The following SYDE2 variants were observed in gnomAD, a reference collection of about 807,000 sequenced individuals.
SYDE2 encodes the protein rho GTPase-activating protein SYDE2.
Under a neutral mutation model 91.5 loss-of-function variants are expected in SYDE2, and 76 were observed. The ratio of observed to expected loss-of-function variants is 0.83; its 90% CI spans 0.69 to 1.01. SYDE2 has a LOEUF of 1.01. Ranked by LOEUF, SYDE2 falls within the 50% of genes least tolerant of loss-of-function variation. SYDE2 has a pLI of 0.00. For missense variants in SYDE2, 1,364 were observed against 1,367.7 expected (o/e 1.00, Z 0.04); for synonymous variants, 513 against 506.4 (o/e 1.01, Z -0.18).
At chr1:85,155,408 C>A (rs1276811048), downstream of SYDE2, among the ~76,000 whole-genome samples, 1 of 151,818 alleles carries the variant, frequency 6.6e-6, no homozygotes, top group Non-Finnish European at 1.5e-5. Flanking sequence ...GAGACTGAGG[C>A]GGAAAGGATC....
chr1:85,177,616 C>T (rs1657749072), intron 4 of SYDE2, among the ~76,000 whole-genome samples: 1 of 152,146 alleles, frequency 6.6e-6, no homozygotes, highest in South Asian at 2.1e-4. Flanking sequence ...TTAGCTCTTA[C>T]TACCTCTTTG....
At chr1:85,197,823 T>G (rs190394573) in intron 1 of SYDE2, among the ~76,000 whole-genome samples, 87 of 152,114 alleles carry the variant, frequency 5.7e-4, no homozygotes, top group Non-Finnish European at 7.2e-4. Flanking sequence ...CCCGGCTAAT[T>G]TTTTGTATTC....
In SYDE2 at chr1:85,190,588, C is replaced by T; in HGVS notation, c.910G>A (p.Glu304Lys). The change falls in exon 2 of 7, where the codon GAA becomes AAA. Residue 304 changes from glutamate to lysine, a missense_variant. Glu to Lys is a moderately conservative substitution (Grantham distance 56). Coordinates refer to ENST00000341460, the MANE Select transcript of SYDE2 (RefSeq NM_032184.2). ...CTTCTATCTTGGCATTTCTTATTTTCTTCTTCCAGATTAAGAGGCCTCAGA... is the reference window on the plus strand; with the variant it reads ...CTTCTATCTTGGCATTTCTTATTTTTTTCTTCCAGATTAAGAGGCCTCAGA... ...STLRPLNLEEENKKCQDRSHL... is the reference protein window; with the variant it reads ...STLRPLNLEEKNKKCQDRSHL... 1 of 1,613,918 alleles carries T rather than the reference C, an allele frequency of 6.2e-7. No individual in the cohort carries two copies. Among genetic ancestry groups the T allele is most frequent in the South Asian group, 1.1e-5 (1 of 91,084 alleles).
chr1:85,189,993 T>C, intron 2 of SYDE2, 64 bp downstream of exon 2: 1 of 1,198,338 alleles, frequency 8.3e-7, no homozygotes, highest in Non-Finnish European at 1.2e-6. Context: ...TATTTAGTTT[T>C]AGCTATTATC....
At position 85,164,671 on chromosome 1, in the gene SYDE2, C is replaced by A; in HGVS notation, c.2940G>T (p.Val980=). The stretch of plus-strand genomic sequence containing the variant: ...GACTTAATAATACTGGTCCAAAGCA[C>A]ACAGCCAAATTCTGGCACGTCATCT... ...VNKMTCQNLA[V]CFGPVLLSQR... is the part of the protein sequence containing the mutation. The change falls in exon 6 of 7, where the codon GTG becomes GTT. Residue 980 remains valine (V), a synonymous_variant. Transcript: ENST00000341460. 6.4e-7 allele frequency: 1 copy of A among 1,558,124 alleles called. No homozygotes were observed. The highest frequency in any genetic ancestry group is 8.7e-7 in the Non-Finnish European group (1 of 1,152,154).
chr1:85,192,180 A>C (rs944218454), intron 1 of SYDE2, among the ~76,000 whole-genome samples: 1 of 152,168 alleles, frequency 6.6e-6, no homozygotes, highest in African/African-American at 2.4e-5. Flanking sequence ...CCTTCTACTG[A>C]AAAGAAAATC....
chr1:85,171,665 T>C (rs1188357643), intron 4 of SYDE2, among the ~76,000 whole-genome samples: 1 of 152,152 alleles, frequency 6.6e-6, no homozygotes. Context: ...AAATTTGTCT[T>C]ATGTTTAGAC....
chr1:85,158,713 T>C lies in SYDE2; in HGVS notation c.*37A>G, dbSNP rs747278933. 1 of 671,992 alleles carries C rather than the reference T, an allele frequency of 1.5e-6. No homozygotes were observed. Among genetic ancestry groups the C allele is most frequent in the Middle Eastern group, 4.0e-4 (1 of 2,496 alleles). The allele number at this position is 671,992 out of a possible 1,614,324, so 41.6% of individuals were successfully genotyped here. A position where few individuals can be genotyped will look rare whatever the true frequency, so the allele number is the denominator to read the frequency against. On this transcript the variant is annotated 3_prime_UTR_variant, in exon 7 of 7. Coordinates refer to ENST00000341460, the MANE Select transcript of SYDE2 (RefSeq NM_032184.2). ...TAAGAAAATAAAACAAAAACAGATTTGAAACTTTAAGACATTACAAAAAAA... is the reference window on the plus strand; with the variant it reads ...TAAGAAAATAAAACAAAAACAGATTCGAAACTTTAAGACATTACAAAAAAA...
rs1658295449 is a variant in SYDE2, at chr1:85,189,933, A to G, written c.1441+124T>C. The G allele has an allele frequency of 6.4e-6, 5 of 779,556 alleles. No individual in the cohort carries two copies. The South Asian group carries it at 1.1e-4, about 17-fold the overall frequency. The allele number at this position is 779,556 out of a possible 1,614,324, so 48.3% of individuals were successfully genotyped here. A position where few individuals can be genotyped will look rare whatever the true frequency, so the allele number is the denominator to read the frequency against. On this transcript the variant is annotated intron_variant, in intron 2 of 6. Coordinates refer to ENST00000341460, the MANE Select transcript of SYDE2 (RefSeq NM_032184.2). Reference sequence around the variant, plus strand: ...CTTTTTGAGTTTTATTTTCATGAAAATATATTCACTTCACAAGAAAAAGTA... The same window carrying G: ...CTTTTTGAGTTTTATTTTCATGAAAGTATATTCACTTCACAAGAAAAAGTA...
chr1:85,195,855 CAAGT>C lies in SYDE2; in HGVS notation c.745+4393_745+4396del, dbSNP rs562266412. 1.6e-4 allele frequency among the ~76,000 whole-genome samples: 24 copies of C among 152,250 alleles called. No individual in the cohort carries two copies. In the South Asian group the frequency reaches 4.8e-3, roughly 30 times the overall value. The stretch of plus-strand genomic sequence containing the variant: ...CTGCTTGCCTTCCCCTTGATAATAA[CAAGT>C]AAGTGCTAGGCACAGCACCAAATGG... On this transcript the variant is annotated intron_variant, in intron 1 of 6. Coordinates refer to ENST00000341460, the MANE Select transcript of SYDE2 (RefSeq NM_032184.2).
At chr1:85,162,040 G>A (rs1248733496) in intron 6 of SYDE2, among the ~76,000 whole-genome samples, 1 of 152,024 alleles carries the variant, frequency 6.6e-6, no homozygotes, top group East Asian at 1.9e-4. Flanking sequence ...AAAAAGTATT[G>A]GCAGGACGAC....
At chr1:85,183,634 T>A (rs1013515935) in intron 2 of SYDE2, among the ~76,000 whole-genome samples, 1 of 152,164 alleles carries the variant, frequency 6.6e-6, no homozygotes, top group South Asian at 2.1e-4. Context: ...AAAACTATTT[T>A]AAGTATGCCT....
rs749418577 is a variant in SYDE2 at position 85,159,004 on chromosome 1, C to T, written c.3331G>A (p.Asp1111Asn). The T allele has an allele frequency of 1.3e-6, 1 of 780,732 alleles. No homozygotes were observed. The highest frequency in any genetic ancestry group is 2.4e-6 in the Non-Finnish European group (1 of 417,960). 48.4% of individuals were successfully genotyped at this position (780,732 alleles called of 1,614,324 possible). A position where few individuals can be genotyped will look rare whatever the true frequency, so the allele number is the denominator to read the frequency against. ...TCTTCTGAAGGGACATCATCATAAT[C>T]CACATCATTTAAATTTTCTTTTGTA... ...LNTKENLNDV[D>N]YDDVPSEDRK... Residue 1111 changes from aspartate to asparagine, a missense_variant, in exon 7 of 7, where the codon GAT (aspartate) becomes AAT (asparagine). By Grantham distance (23) the Asp-to-Asn change is conservative (BLOSUM62 1). Coordinates refer to ENST00000341460, the MANE Select transcript of SYDE2 (RefSeq NM_032184.2).
intron 3 of SYDE2, among the ~76,000 whole-genome samples, chr1:85,180,683 C>A (rs1657880126): frequency 7.0e-6 from 1 of 142,680 alleles, no homozygotes; most frequent in Non-Finnish European, 1.5e-5. Context: ...GAGCAAGAAT[C>A]CGTCTCAAAA....
intron 5 of SYDE2, among the ~76,000 whole-genome samples, chr1:85,165,812 T>A (rs980029524): frequency 7.3e-5 from 11 of 151,460 alleles, no homozygotes; most frequent in South Asian, 6.3e-4. Context: ...ACAAAATGAG[T>A]AATTTTTTCT....
intron 6 of SYDE2, chr1:85,159,995 C>T: frequency 1.0e-6 from 1 of 981,736 alleles, no homozygotes; most frequent in Non-Finnish European, 1.2e-6. Flanking sequence ...AGACGATTAC[C>T]ACAGAGACAC....
intron 2 of SYDE2, among the ~76,000 whole-genome samples, chr1:85,185,062 G>A (rs1263779444): frequency 1.3e-5 from 2 of 151,102 alleles, no homozygotes; most frequent in African/African-American, 4.9e-5. Context: ...GATCACTTTA[G>A]GTAACGGTTT....
intron 4 of SYDE2, among the ~76,000 whole-genome samples, chr1:85,172,415 T>C (rs888549309): frequency 6.6e-6 from 1 of 152,166 alleles, no homozygotes; most frequent in African/African-American, 2.4e-5. Flanking sequence ...TTGAAGTACA[T>C]GGATTAATAC....
Position 85,159,880 on chromosome 1 carries a change from C to T in SYDE2, c.3086-631G>A, listed in dbSNP as rs927494449. The T allele has an allele frequency of 7.1e-6, 7 of 983,570 alleles. No homozygotes were observed. In the African/African-American group the frequency reaches 1.2e-4, roughly 17 times the overall value. 60.9% of individuals were successfully genotyped at this position (983,570 alleles called of 1,614,324 possible). A position where few individuals can be genotyped will look rare whatever the true frequency, so the allele number is the denominator to read the frequency against. ...CTTCATTTATTGCCTGGAAATAGTA[C>T]AGATATTTTATTTTCTCATTCTGGT... On this transcript the variant is annotated intron_variant, in intron 6 of 6. Coordinates refer to ENST00000341460, the MANE Select transcript of SYDE2 (RefSeq NM_032184.2).
Sources: gnomAD v4.1 joint callset for allele counts (sites outside exome capture counted in the v4.1 genomes callset) on GRCh38, gnomAD v4.1.1 for gene constraint, MANE v1.5 for transcripts, NCBI Gene and HGNC (gene_info 2026-07-23, HGNC 2026-07-21) for gene names.